SUPT7L: variants seen among roughly 807,000 people sequenced by gnomAD.
SUPT7L encodes the protein SPT7 like, STAGA complex subunit gamma.
SUPT7L carries 15 observed loss-of-function variants against 35.7 expected under a neutral mutation model. The ratio of observed to expected loss-of-function variants is 0.42; its 90% CI spans 0.28 to 0.65. SUPT7L has a LOEUF of 0.65. SUPT7L is among the 30% of genes least tolerant of loss of function. The pLI is 0.23. For missense variants in SUPT7L, 434 were observed against 522.2 expected, an observed-to-expected ratio of 0.83 and a Z score of 1.65; for synonymous variants, 168 against 186.2, an observed-to-expected ratio of 0.90 and a Z score of 0.79.
intron 4 of SUPT7L, 35 bp from the exon 5 acceptor site, chr2:27,655,637 T>G: frequency 6.5e-7 from 1 of 1,530,992 alleles, no homozygotes; most frequent in Non-Finnish European, 8.8e-7. Context: ...TCCAAGGAAA[T>G]GTTAAAAGCA....
At chr2:27,658,828 G>C (rs938051247) in intron 3 of SUPT7L, among the ~76,000 whole-genome samples, 1 of 152,186 alleles carries the variant, frequency 6.6e-6, no homozygotes, top group Admixed American at 6.5e-5. Context: ...CTAATAAACA[G>C]AGACAACTAA....
intron 3 of SUPT7L, 56 bp downstream of exon 3, chr2:27,660,928 A>G: frequency 6.4e-7 from 1 of 1,550,396 alleles, no homozygotes; most frequent in Non-Finnish European, 8.7e-7. Context: ...TAGGCTTAAC[A>G]GGGTTGTTGG....
chr2:27,647,809 T>C (rs746614685), downstream of SUPT7L: 2 of 1,313,758 alleles, frequency 1.5e-6, no homozygotes, highest in Non-Finnish European at 2.2e-6. Flanking sequence ...TGAGGAGGCA[T>C]ATCACTGATA....
chr2:27,653,536 C>G lies in SUPT7L; in HGVS notation c.1194G>C (p.Gly398=). ...YGSHSTDSLM[G]SSPVFNQRCK... is the part of the protein sequence containing the mutation. ...AGCGCTGGTTGAAAACAGGGGAGGA[C>G]CCCATGAGGCTGTCAGTGGAGTGGG... Residue 398 remains glycine (G), a synonymous_variant, in exon 6 of 6, where the codon GGG becomes GGC. Transcript: ENST00000337768. 2 of 1,614,196 alleles carry G rather than the reference C, an allele frequency of 1.2e-6. No individual in the cohort carries two copies. The highest frequency in any genetic ancestry group is 1.7e-6 in the Non-Finnish European group (2 of 1,180,044).
the SUPT7L span, among the ~76,000 whole-genome samples, chr2:27,644,543 T>C: frequency 2.7e-5 from 4 of 148,962 alleles, no homozygotes; most frequent in Non-Finnish European, 6.0e-5. Context: ...AATTCACCTA[T>C]TTTTTTTTAT....
At chr2:27,658,650 T>C (rs1167186650) in intron 3 of SUPT7L, among the ~76,000 whole-genome samples, 1 of 152,222 alleles carries the variant, frequency 6.6e-6, no homozygotes, top group Non-Finnish European at 1.5e-5. Flanking sequence ...CAAAAGTGCC[T>C]GAGTGGTTAT....
downstream of SUPT7L, chr2:27,647,752 C>T: frequency 1.3e-6 from 1 of 783,488 alleles, no homozygotes; most frequent in South Asian, 1.5e-5. Flanking sequence ...CACTTTCATC[C>T]TGCCAGTTTA....
At chr2:27,643,175 A>AT in the SUPT7L span, among the ~76,000 whole-genome samples, 1 of 149,722 alleles carries the variant, frequency 6.7e-6, no homozygotes, top group Non-Finnish European at 1.5e-5. This position sits in a 1 kb window ranked among gnomAD's most constrained non-coding sequence, Gnocchi z 4.0. Flanking sequence ...ACCCTCCTCA[A>AT]TTTTTTTTAT....
chr2:27,650,269 C>T, downstream of SUPT7L: 1 of 863,204 alleles, frequency 1.2e-6, no homozygotes, highest in South Asian at 1.4e-5. Flanking sequence ...AAGAACTGTT[C>T]TTACCTCTGA....
chr2:27,647,957 G>A (rs774863367), downstream of SUPT7L: 1 of 1,472,658 alleles, frequency 6.8e-7, no homozygotes, highest in Non-Finnish European at 9.5e-7. Context: ...AGAGGTGGCT[G>A]AGGTGGCCCG....
Position 27,653,568 on chromosome 2 carries a change from A to G in SUPT7L, c.1162T>C (p.Tyr388His). The change falls in exon 6 of 6, where the codon TAT (tyrosine) becomes CAT (histidine). Residue 388 changes from tyrosine to histidine, a missense_variant. Physicochemically the swap from Tyr to His is moderately conservative, Grantham distance 83. Around this residue, in one of 3 missense-constraint regions of SUPT7L, gnomAD observed 159 missense variants for 217.1 expected, o/e 0.73. Coordinates refer to ENST00000337768, the MANE Select transcript of SUPT7L (RefSeq NM_014860.3). ...PQSPDDSDSS[Y>H]GSHSTDSLMG... ...AGGCTGTCAGTGGAGTGGGAACCAT[A>G]GCTGCTATCTGAGTCATCAGGGCTC... 1 of 1,614,202 alleles carries G rather than the reference A, an allele frequency of 6.2e-7. No homozygotes were observed.
In SUPT7L at chr2:27,657,440, C is replaced by G. The variant is rs765547884; in HGVS notation, c.649G>C (p.Glu217Gln). ...LGQTPFPDVM[E>Q]QVFHEVGIGS... ...ATACCCACTTCATGGAATACCTGCT[C>G]CATCACATCAGGAAAAGGAGTCTGT... The change falls in exon 4 of 6, where the codon GAG becomes CAG. Residue 217 changes from glutamate (E) to glutamine (Q), a missense_variant. Glu to Gln is a conservative substitution (Grantham distance 29). Transcript: ENST00000337768. The surrounding 1 kb of genome is among the most constrained non-coding windows in gnomAD (Gnocchi z 5.2). 2.0e-5 allele frequency: 33 copies of G among 1,614,154 alleles called. No homozygotes were observed. Among genetic ancestry groups the G allele is most frequent in the Non-Finnish European group, 2.6e-5 (31 of 1,180,058 alleles).
intron 4 of SUPT7L, 88 bp from the exon 5 acceptor site, chr2:27,655,690 G>A (rs778506327): frequency 2.6e-6 from 3 of 1,133,296 alleles, no homozygotes; most frequent in Non-Finnish European, 3.8e-6. Context: ...AAAGCCAACA[G>A]AACATGAATA....
At position 27,655,655 on chromosome 2, in the gene SUPT7L, TAGTC is replaced by T. The variant is rs1227537852; in HGVS notation, c.745-57_745-54del. 4 of 1,480,500 alleles carry T rather than the reference TAGTC, an allele frequency of 2.7e-6. No homozygotes were observed. The African/African-American group carries it at 5.6e-5, about 21-fold the overall frequency. 91.7% of individuals were successfully genotyped at this position (1,480,500 alleles called of 1,614,324 possible). A position where few individuals can be genotyped will look rare whatever the true frequency, so the allele number is the denominator to read the frequency against. On this transcript the variant is annotated intron_variant, in intron 4 of 5. Transcript: ENST00000337768. ...AAGGAAATGTTAAAAGCAAGTTGGA[TAGTC>T]AGCTTGTGACGTCCCATGGAAAAGC...
chr2:27,657,180 T>C lies in SUPT7L; in HGVS notation c.744+165A>G, dbSNP rs1674843991. On this transcript the variant is annotated intron_variant, in intron 4 of 5. Coordinates refer to ENST00000337768, the MANE Select transcript of SUPT7L (RefSeq NM_014860.3). The surrounding 1 kb of genome is among the most constrained non-coding windows in gnomAD (Gnocchi z 5.2). ...CCATTCACTGACTAAAGGAGACCCA[T>C]GGTATTTGGCCAGGAACATCGCTAG... Among the ~76,000 whole-genome samples, 1 of 152,234 alleles carries C rather than the reference T, an allele frequency of 6.6e-6. No individual in the cohort carries two copies. The highest frequency in any genetic ancestry group is 2.4e-5 in the African/African-American group (1 of 41,470).
chr2:27,646,134 C>T (rs1674216142), downstream of SUPT7L, among the ~76,000 whole-genome samples: 1 of 152,026 alleles, frequency 6.6e-6, no homozygotes, highest in Non-Finnish European at 1.5e-5. Context: ...CTCCGCCTCC[C>T]GGGTTCAAGC....
At position 27,663,443 on chromosome 2, in the gene SUPT7L, T is replaced by C. The variant is rs909333275; in HGVS notation, c.-204A>G. On this transcript the variant is annotated 5_prime_UTR_variant, in exon 1 of 6. Coordinates refer to ENST00000337768, the MANE Select transcript of SUPT7L (RefSeq NM_014860.3). ...CCAATCACAGGGTCCTGAGGTCGCC[T>C]GACGTTCAGGGCAGCCGGAAGACGG... 3.0e-6 allele frequency: 1 copy of C among 335,224 alleles called. No homozygotes were observed. Among genetic ancestry groups the C allele is most frequent in the East Asian group, 6.8e-5 (1 of 14,796 alleles). 20.8% of individuals were successfully genotyped at this position (335,224 alleles called of 1,614,324 possible). A position where few individuals can be genotyped will look rare whatever the true frequency, so the allele number is the denominator to read the frequency against.
Position 27,661,889 on chromosome 2 carries a change from G to A in SUPT7L, c.14+290C>T. The stretch of plus-strand genomic sequence containing the variant: ...GTAGGGTTAAAGATAATAAGAAGTG[G>A]TTCTTACTCTGTGTGTCTTAGGCAT... On this transcript the variant is annotated intron_variant, in intron 2 of 5. Coordinates refer to ENST00000337768, the MANE Select transcript of SUPT7L (RefSeq NM_014860.3). The A allele has an allele frequency of 4.1e-6, 2 of 484,560 alleles. 1 individual carries two copies. The highest frequency in any genetic ancestry group is 4.6e-5 in the South Asian group (2 of 43,182). The allele number at this position is 484,560 out of a possible 1,614,324, so 30.0% of individuals were successfully genotyped here.
chr2:27,660,343 C>T lies in SUPT7L; in HGVS notation c.419+641G>A, dbSNP rs113397074. Reference sequence around the variant, plus strand: ...GGTTCAAGTGATTCTCGTGCCTCAGCCTCCCGAGTAGCTGGGACTACAGAT... The same window carrying T: ...GGTTCAAGTGATTCTCGTGCCTCAGTCTCCCGAGTAGCTGGGACTACAGAT... On this transcript the variant is annotated intron_variant, in intron 3 of 5. Transcript: ENST00000337768. Among the ~76,000 whole-genome samples the T allele has an allele frequency of 7.4e-3, 1,126 of 152,010 alleles. 14 individuals are homozygous for T. The highest frequency in any genetic ancestry group is 0.026 in the African/African-American group (1,072 of 41,456).
Sources: gnomAD v4.1 joint callset for allele counts (sites outside exome capture counted in the v4.1 genomes callset) on GRCh38, gnomAD v4.1.1 for gene constraint, gnomAD v4.1.1 regional missense constraint, Gnocchi (gnomAD v3.1) non-coding constraint, MANE v1.5 for transcripts, NCBI Gene and HGNC (gene_info 2026-07-23, HGNC 2026-07-21) for gene names.